Variants in PALM2AKAP2 observed in about 807,000 individuals in gnomAD.
PALM2AKAP2 encodes the protein PALM2 and AKAP2 fusion.
A neutral mutation model predicts 71.5 loss-of-function variants in PALM2AKAP2; 37 were observed. The ratio of observed to expected loss-of-function variants is 0.52; its 90% CI spans 0.40 to 0.68. PALM2AKAP2 has a LOEUF of 0.68. PALM2AKAP2 is among the 30% of genes least tolerant of loss of function. The pLI is 0.00. For synonymous variants in PALM2AKAP2, 468 were observed against 478.8 expected (o/e 0.98, Z 0.29); for missense variants, 1,224 against 1,191.8 (o/e 1.03, Z -0.40).
chr9:110,125,774 CTCTCT>C lies in PALM2AKAP2; in HGVS notation c.157-10351_157-10347del, dbSNP rs760959229. ...GCTCAGACTGGTGTCTTGCTTCTCT[CTCTCT>C]TTTTTTTTTTTTTGCAAATCTTGTA... On this transcript the variant is annotated intron_variant, in intron 1 of 3. Coordinates refer to ENST00000374525, the Ensembl canonical transcript of PALM2AKAP2. Among the ~76,000 whole-genome samples the C allele has an allele frequency of 3.1e-4, 44 of 140,546 alleles. No homozygotes were observed. The South Asian group carries it at 4.0e-3, about 13-fold the overall frequency. The allele number at this position is 140,546 out of a possible 152,430, so 92.2% of individuals were successfully genotyped here.
chr9:110,001,195 G>A (rs991506662), intron 6 of PALM2AKAP2, among the ~76,000 whole-genome samples: 3 of 152,152 alleles, frequency 2.0e-5, no homozygotes, highest in Admixed American at 6.5e-5. Context: ...TTTGTATAAG[G>A]TGTAAGGAAG....
At chr9:109,664,054 C>T (rs1350109708) in intron 1 of PALM2AKAP2, among the ~76,000 whole-genome samples, 1 of 152,126 alleles carries the variant, frequency 6.6e-6, no homozygotes, top group Non-Finnish European at 1.5e-5. Flanking sequence ...GATCTTCCTC[C>T]ATCCGTTTAT....
At chr9:110,129,294 G>T (rs146798496) in intron 1 of PALM2AKAP2, among the ~76,000 whole-genome samples, 2 of 152,342 alleles carry the variant, frequency 1.3e-5, no homozygotes, top group African/African-American at 4.8e-5. Flanking sequence ...CATCTGTAGA[G>T]ATTCAAGCAA....
At position 110,016,044 on chromosome 9, in the gene PALM2AKAP2, G is replaced by A. The variant is rs978643108; in HGVS notation, c.582+5G>A. On this transcript the variant is annotated splice_donor_5th_base_variant and intron_variant, in intron 7 of 9. Transcript: ENST00000302798. ...GGCCCAGACATGACTATCAAGGTAA[G>A]GGATTCTCTTCAGGTTGATTCTCAA... 7 of 1,612,522 alleles carry A rather than the reference G, an allele frequency of 4.3e-6. No individual in the cohort carries two copies. The highest frequency in any genetic ancestry group is 1.3e-5 in the African/African-American group (1 of 74,880).
At chr9:109,764,349 C>A (rs998957511) in intron 1 of PALM2AKAP2, among the ~76,000 whole-genome samples, 1 of 152,028 alleles carries the variant, frequency 6.6e-6, no homozygotes, top group African/African-American at 2.4e-5. Flanking sequence ...CAGGGTGTCT[C>A]CCAGAACTCT....
At chr9:109,807,914 C>T (rs1827623748) in intron 1 of PALM2AKAP2, among the ~76,000 whole-genome samples, 1 of 152,110 alleles carries the variant, frequency 6.6e-6, no homozygotes, top group Non-Finnish European at 1.5e-5. Context: ...TTATAAGGGG[C>T]TTTTTCCTGT....
At chr9:109,772,816 C>T (rs966066708) in intron 1 of PALM2AKAP2, among the ~76,000 whole-genome samples, 1 of 152,180 alleles carries the variant, frequency 6.6e-6, no homozygotes, top group Non-Finnish European at 1.5e-5. Flanking sequence ...TCTACAGTGG[C>T]TATAGAATGT....
At chr9:109,864,630 A>G (rs1201299569) in intron 1 of PALM2AKAP2, among the ~76,000 whole-genome samples, 1 of 152,218 alleles carries the variant, frequency 6.6e-6, no homozygotes, top group African/African-American at 2.4e-5. Context: ...ATAAAGTTTT[A>G]TTAGAACACA....
At chr9:110,047,753 G>C (rs1833626595), upstream of PALM2AKAP2, among the ~76,000 whole-genome samples, 2 of 152,222 alleles carry the variant, frequency 1.3e-5, no homozygotes, top group South Asian at 4.1e-4. Flanking sequence ...GCTTGCTTTT[G>C]AAAGTGTTGC....
intron 1 of PALM2AKAP2, among the ~76,000 whole-genome samples, chr9:109,703,787 T>G (rs547217120): frequency 3.3e-5 from 5 of 152,208 alleles, no homozygotes; most frequent in African/African-American, 1.2e-4. Flanking sequence ...GGGCAGGTAC[T>G]GAGGTAAAAA....
intron 1 of PALM2AKAP2, among the ~76,000 whole-genome samples, chr9:110,062,534 A>C (rs1833986712): frequency 6.6e-6 from 1 of 152,150 alleles, no homozygotes; most frequent in African/African-American, 2.4e-5. Context: ...AATCTGTCCA[A>C]CTATAAGAAA....
intron 1 of PALM2AKAP2, among the ~76,000 whole-genome samples, chr9:109,646,582 G>T (rs1466352332): frequency 6.6e-6 from 1 of 152,110 alleles, no homozygotes; most frequent in Non-Finnish European, 1.5e-5. Context: ...GTTCATGAAA[G>T]AATAAGTGCA....
chr9:109,677,284 T>A (rs972556771), intron 1 of PALM2AKAP2, among the ~76,000 whole-genome samples: 4 of 152,134 alleles, frequency 2.6e-5, no homozygotes, highest in Admixed American at 2.6e-4. Flanking sequence ...AACTTAGAGA[T>A]TTTTGGATCC....
chr9:109,750,445 G>T lies in PALM2AKAP2; in HGVS notation c.6-30043G>T, dbSNP rs75080481. ...ATGTAAAGGAAAAAGAGGAAAAAAA[G>T]TTCTGCTACCATGTTAAAAAAATCA... On this transcript the variant is annotated intron_variant, in intron 1 of 6. Coordinates refer to the PALM2AKAP2 transcript ENST00000374531. Among the ~76,000 whole-genome samples the T allele has an allele frequency of 8.5e-5, 13 of 152,248 alleles. No individual in the cohort carries two copies. In the East Asian group the frequency reaches 2.5e-3, roughly 29 times the overall value.
chr9:109,939,021 T>C (rs1223383633), intron 6 of PALM2AKAP2, among the ~76,000 whole-genome samples: 3 of 151,964 alleles, frequency 2.0e-5, no homozygotes, highest in Non-Finnish European at 4.4e-5. Context: ...AGAGTAAGAC[T>C]CTGTCTCAAA....
At chr9:110,058,138 A>C (rs482678) in intron 1 of PALM2AKAP2, among the ~76,000 whole-genome samples, 49,443 of 152,068 alleles carry the variant, frequency 0.33, 8,309 homozygotes, top group African/African-American at 0.4. Flanking sequence ...CTAGATGTAG[A>C]ATTCACATCC....
At chr9:109,960,054 C>T (rs1379729366) in intron 6 of PALM2AKAP2, among the ~76,000 whole-genome samples, 3 of 152,168 alleles carry the variant, frequency 2.0e-5, no homozygotes, top group African/African-American at 7.2e-5. Flanking sequence ...CACCCCCCTC[C>T]GCGAAACCTT....
intron 1 of PALM2AKAP2, among the ~76,000 whole-genome samples, chr9:109,859,792 T>A (rs1829263333): frequency 6.6e-6 from 1 of 152,256 alleles, no homozygotes; most frequent in Non-Finnish European, 1.5e-5. Flanking sequence ...GGCAGAACAA[T>A]GTAGAAAACC....
At chr9:109,942,537 C>G in intron 6 of PALM2AKAP2, 1 of 771,134 alleles carries the variant, frequency 1.3e-6, no homozygotes, top group East Asian at 2.8e-5. Context: ...CATCTTTATT[C>G]ACAGTGCGCA....
Sources: gnomAD v4.1 joint callset for allele counts (sites outside exome capture counted in the v4.1 genomes callset) on GRCh38, gnomAD v4.1.1 for gene constraint, MANE v1.5 for transcripts, NCBI Gene and HGNC (gene_info 2026-07-23, HGNC 2026-07-21) for gene names.